FRMPD1: variants seen among roughly 807,000 people sequenced by gnomAD.
FRMPD1 encodes the protein FERM and PDZ domain containing 1, also known as FERM and PDZ domain-containing protein 1.
In FRMPD1, 76 loss-of-function variants were observed where a neutral mutation model predicts 117.8. That is an observed-to-expected ratio of 0.65 (90% CI 0.54 to 0.78). The LOEUF is 0.78. Among genes scored for constraint, FRMPD1 ranks in the 30% least tolerant of loss-of-function variants. The pLI, the probability that FRMPD1 is intolerant of heterozygous loss-of-function variation, is 0.00. For missense variants in FRMPD1, 1,786 were observed against 1,964.5 expected (o/e 0.91, Z 1.72); for synonymous variants, 783 against 770.4 (o/e 1.02, Z -0.27).
the FRMPD1 span, among the ~76,000 whole-genome samples, chr9:37,644,548 T>C: frequency 0.15 from 22,594 of 152,106 alleles, 1,790 homozygotes; most frequent in African/African-American, 0.2. Flanking sequence ...GCTTGGAAGG[T>C]GGCCCCCCAT....
At chr9:37,691,145 A>T (rs1367531014) in intron 1 of FRMPD1, among the ~76,000 whole-genome samples, 1 of 152,256 alleles carries the variant, frequency 6.6e-6, no homozygotes, top group Non-Finnish European at 1.5e-5. Context: ...TTCAGTTAGA[A>T]GAGTTTTACT....
chr9:37,675,364 A>G (rs924837471), intron 1 of FRMPD1, among the ~76,000 whole-genome samples: 5 of 151,568 alleles, frequency 3.3e-5, no homozygotes, highest in African/African-American at 1.2e-4. Flanking sequence ...GAGGTTGCGG[A>G]GAGGCGAGAT....
chr9:37,646,655 C>T (rs1384473740), upstream of FRMPD1, among the ~76,000 whole-genome samples: 5 of 152,078 alleles, frequency 3.3e-5, no homozygotes, highest in African/African-American at 7.2e-5. Flanking sequence ...ATGACAGGGT[C>T]GAGGTTTTTT....
chr9:37,607,039 G>A, the FRMPD1 span, among the ~76,000 whole-genome samples: 1 of 152,218 alleles, frequency 6.6e-6, no homozygotes, highest in African/African-American at 2.4e-5. Context: ...ACATGGTTGA[G>A]CACAGTGGCT....
chr9:37,681,171 CCACTG>C (rs1417268410), intron 1 of FRMPD1, among the ~76,000 whole-genome samples: 6 of 146,486 alleles, frequency 4.1e-5, no homozygotes, highest in Non-Finnish European at 6.0e-5. Context: ...CAAGATGGGG[CCACTG>C]CACTCCAGCC....
At chr9:37,639,838 T>C in the FRMPD1 span, among the ~76,000 whole-genome samples, 1 of 152,178 alleles carries the variant, frequency 6.6e-6, no homozygotes, top group Non-Finnish European at 1.5e-5. Flanking sequence ...CTGTTGTATT[T>C]TTTGTAGAGA....
the FRMPD1 span, among the ~76,000 whole-genome samples, chr9:37,609,146 G>T: frequency 6.6e-6 from 1 of 152,076 alleles, no homozygotes; most frequent in Non-Finnish European, 1.5e-5. Flanking sequence ...CAAAAAGTTA[G>T]CCGGGCATGG....
the FRMPD1 span, among the ~76,000 whole-genome samples, chr9:37,605,395 A>G: frequency 3.9e-5 from 6 of 152,206 alleles, no homozygotes; most frequent in East Asian, 1.9e-4. Flanking sequence ...TGAAAGGGGT[A>G]GGAAAAGCAT....
At chr9:37,706,003 A>ATAAC (rs1554665455) in intron 2 of FRMPD1, among the ~76,000 whole-genome samples, 1 of 150,348 alleles carries the variant, frequency 6.7e-6, no homozygotes, top group East Asian at 1.9e-4. Context: ...AAATAAATAA[A>ATAAC]AGATTGAAAA....
chr9:37,642,625 T>C, the FRMPD1 span, among the ~76,000 whole-genome samples: 2 of 152,326 alleles, frequency 1.3e-5, no homozygotes, highest in East Asian at 3.9e-4. Context: ...GTGGGATCCA[T>C]AATTCCAGAG....
At chr9:37,619,842 G>T in the FRMPD1 span, among the ~76,000 whole-genome samples, 4 of 151,568 alleles carry the variant, frequency 2.6e-5, no homozygotes, top group African/African-American at 9.7e-5. Flanking sequence ...TGGTGGATTA[G>T]CTTGATATAG....
intron 2 of FRMPD1, among the ~76,000 whole-genome samples, chr9:37,694,298 C>G (rs1822246558): frequency 6.6e-6 from 1 of 152,180 alleles, no homozygotes; most frequent in African/African-American, 2.4e-5. Context: ...ACACATTATG[C>G]ATGTAATACA....
At chr9:37,721,368 C>A (rs1484677985) in intron 6 of FRMPD1, among the ~76,000 whole-genome samples, 1 of 152,192 alleles carries the variant, frequency 6.6e-6, no homozygotes, top group African/African-American at 2.4e-5. Context: ...CTTAGATACA[C>A]AATCACTGTA....
Position 37,746,042 on chromosome 9 carries a change from A to G in FRMPD1, c.4010A>G (p.Gln1337Arg), listed in dbSNP as rs2118547285. ...PRIGMDQCSC[Q>R]FSYATCFRGP... The stretch of plus-strand genomic sequence containing the variant: ...ATAGGGATGGACCAGTGCAGCTGTC[A>G]GTTCTCCTATGCCACATGCTTCCGT... The change falls in exon 16 of 16, where the codon CAG becomes CGG. Residue 1337 changes from glutamine to arginine, a missense_variant. Transcript: ENST00000377765. The G allele has an allele frequency of 6.2e-7, 1 of 1,614,242 alleles. No individual in the cohort carries two copies. The highest frequency in any genetic ancestry group is 8.5e-7 in the Non-Finnish European group (1 of 1,180,032).
At chr9:37,722,936 C>T (rs548922862) in intron 6 of FRMPD1, among the ~76,000 whole-genome samples, 2 of 152,128 alleles carry the variant, frequency 1.3e-5, no homozygotes, top group African/African-American at 4.8e-5. Flanking sequence ...TCTCCAAAAC[C>T]CTCTCCTGCT....
At chr9:37,693,910 G>C (rs1822233236) in intron 2 of FRMPD1, among the ~76,000 whole-genome samples, 1 of 152,134 alleles carries the variant, frequency 6.6e-6, no homozygotes, top group South Asian at 2.1e-4. Flanking sequence ...CCTCTGTCTA[G>C]AGTCAGGATG....
At position 37,669,574 on chromosome 9, in the gene FRMPD1, T is replaced by C. The variant is rs566351070; in HGVS notation, c.-5+18480T>C. On this transcript the variant is annotated intron_variant, in intron 1 of 15. Transcript: ENST00000377765. ...TTCTTTTATGGATTCTGAGTTTTCTTTACCGAAGAGAGAGTTTCTCTGTTG... is the reference window on the plus strand; with the variant it reads ...TTCTTTTATGGATTCTGAGTTTTCTCTACCGAAGAGAGAGTTTCTCTGTTG... Among the ~76,000 whole-genome samples the C allele has an allele frequency of 3.3e-5, 5 of 152,302 alleles. 1 individual carries two copies. In the South Asian group the frequency reaches 1.0e-3, roughly 32 times the overall value.
At chr9:37,695,595 G>C (rs1402930008) in intron 2 of FRMPD1, among the ~76,000 whole-genome samples, 1 of 152,084 alleles carries the variant, frequency 6.6e-6, no homozygotes, top group Non-Finnish European at 1.5e-5. Flanking sequence ...CAGATTACTA[G>C]AAAATGATCA....
At chr9:37,629,363 C>T in the FRMPD1 span, among the ~76,000 whole-genome samples, 1 of 152,192 alleles carries the variant, frequency 6.6e-6, no homozygotes. Flanking sequence ...TCACACAAAG[C>T]AGATGTAGGC....
Sources: allele counts gnomAD v4.1 joint callset (sites outside exome capture counted in the v4.1 genomes callset), GRCh38; gene constraint gnomAD v4.1.1; transcripts MANE v1.5; gene names NCBI Gene and HGNC (gene_info 2026-07-23, HGNC 2026-07-21).